Variants in MEI4 observed in about 807,000 individuals in gnomAD.
MEI4 encodes meiosis-specific protein MEI4.
Under a neutral mutation model 31.4 loss-of-function variants are expected in MEI4, and 27 were observed. The ratio of observed to expected loss-of-function variants is 0.86; its 90% CI spans 0.63 to 1.19. The LOEUF (loss-of-function observed/expected upper bound fraction) is 1.19. Among genes scored for constraint, MEI4 ranks in the 50% most tolerant of loss-of-function variants. MEI4 has a pLI of 0.00. For synonymous variants in MEI4, 122 were observed against 145.4 expected, an observed-to-expected ratio of 0.84 and a Z score of 1.16; for missense variants, 329 against 398.9, an observed-to-expected ratio of 0.82 and a Z score of 1.49.
In MEI4 at chr6:77,795,566, C is replaced by G. The variant is rs566452489; in HGVS notation, c.769-33365C>G. ...CAGCTAGAAGAAGTGAAAAAATATTCAAATAGTATTACAAATGAACAAGGA... is the reference window on the plus strand; with the variant it reads ...CAGCTAGAAGAAGTGAAAAAATATTGAAATAGTATTACAAATGAACAAGGA... On this transcript the variant is annotated intron_variant, in intron 3 of 4. Coordinates refer to ENST00000684080, the MANE Select transcript of MEI4 (RefSeq NM_001322247.2). Among the ~76,000 whole-genome samples, 10 of 145,650 alleles carry G rather than the reference C, an allele frequency of 6.9e-5. No homozygotes were observed. The South Asian group carries it at 1.7e-3, about 25-fold the overall frequency.
chr6:77,841,333 ATTTT>A lies in MEI4; in HGVS notation c.900+12291_900+12294del, dbSNP rs1239589008. 1.1e-4 allele frequency among the ~76,000 whole-genome samples: 3 copies of A among 27,736 alleles called. No individual in the cohort carries two copies. The South Asian group carries it at 3.5e-3, about 33-fold the overall frequency. 18.2% of individuals were successfully genotyped at this position (27,736 alleles called of 152,430 possible). ...TGTGTGCATATATATATATATATAT[ATTTT>A]TTTTTTTTTTTTTTTTTTTGAGATG... On this transcript the variant is annotated intron_variant, in intron 4 of 4. Transcript: ENST00000684080.
chr6:77,732,307 G>A (rs1767025941), intron 2 of MEI4, among the ~76,000 whole-genome samples: 1 of 152,104 alleles, frequency 6.6e-6, no homozygotes. Flanking sequence ...ATTTCCTTGA[G>A]CAGTGGTTTG....
chr6:77,745,904 G>A (rs1330911947), intron 2 of MEI4, among the ~76,000 whole-genome samples: 1 of 152,114 alleles, frequency 6.6e-6, no homozygotes, highest in East Asian at 1.9e-4. Flanking sequence ...GAGAAATAAA[G>A]ATGTTCTTTG....
chr6:77,766,130 C>T (rs1362544864), intron 3 of MEI4, among the ~76,000 whole-genome samples: 7 of 152,174 alleles, frequency 4.6e-5, no homozygotes, highest in Non-Finnish European at 1.0e-4. Flanking sequence ...CTACAGCTTC[C>T]AGTTGACCAA....
At chr6:77,912,897 G>A (rs1238108904) in intron 4 of MEI4, among the ~76,000 whole-genome samples, 1 of 152,110 alleles carries the variant, frequency 6.6e-6, no homozygotes, top group East Asian at 1.9e-4. Flanking sequence ...GTAGCAAGAG[G>A]AAAAGCTTTC....
intron 4 of MEI4, among the ~76,000 whole-genome samples, chr6:77,863,236 A>T (rs546059470): frequency 6.6e-6 from 1 of 152,210 alleles, no homozygotes; most frequent in Non-Finnish European, 1.5e-5. Flanking sequence ...TGGATAGAGA[A>T]TGACTTTGAT....
chr6:77,674,947 CT>C (rs1419632214), intron 1 of MEI4, among the ~76,000 whole-genome samples: 2 of 151,212 alleles, frequency 1.3e-5, no homozygotes, highest in Non-Finnish European at 2.9e-5. Context: ...ATTTTAATAC[CT>C]TTTTTCTTTT....
chr6:77,881,774 A>G (rs933130962), intron 4 of MEI4, among the ~76,000 whole-genome samples: 5 of 152,250 alleles, frequency 3.3e-5, no homozygotes, highest in Non-Finnish European at 7.3e-5. Flanking sequence ...AGCTAATTGA[A>G]CAGTATTATA....
intron 4 of MEI4, among the ~76,000 whole-genome samples, chr6:77,869,413 A>G (rs1771140935): frequency 6.6e-6 from 1 of 152,136 alleles, no homozygotes; most frequent in Non-Finnish European, 1.5e-5. Flanking sequence ...ATCCTTTAGG[A>G]TGTGCCCTAA....
At chr6:77,778,114 G>A (rs1027658631) in intron 3 of MEI4, among the ~76,000 whole-genome samples, 11 of 140,496 alleles carry the variant, frequency 7.8e-5, no homozygotes, top group Non-Finnish European at 1.5e-4. Flanking sequence ...GTGTATATGT[G>A]AGAGAGCAGG....
intron 3 of MEI4, among the ~76,000 whole-genome samples, chr6:77,797,691 G>T (rs1769118054): frequency 6.6e-6 from 1 of 152,122 alleles, no homozygotes; most frequent in Admixed American, 6.5e-5. Context: ...TCCAGCACAG[G>T]AGAAAGTTGA....
At chr6:77,685,024 T>C (rs1438132486) in intron 1 of MEI4, among the ~76,000 whole-genome samples, 2 of 152,154 alleles carry the variant, frequency 1.3e-5, no homozygotes, top group Non-Finnish European at 2.9e-5. Context: ...TTATTGCCTG[T>C]CTTTTGGATA....
intron 1 of MEI4, among the ~76,000 whole-genome samples, chr6:77,683,149 GCTT>G (rs1768988516): frequency 1.3e-5 from 2 of 152,128 alleles, no homozygotes; most frequent in Admixed American, 6.6e-5. Context: ...TACAGGCTAA[GCTT>G]CTTTTCACAA....
At chr6:77,666,951 A>G (rs1353959320) in intron 1 of MEI4, among the ~76,000 whole-genome samples, 1 of 151,992 alleles carries the variant, frequency 6.6e-6, no homozygotes, top group African/African-American at 2.4e-5. Flanking sequence ...GGAAGAAACA[A>G]GATGTCCACA....
At chr6:77,739,041 C>G (rs1205609767) in intron 2 of MEI4, among the ~76,000 whole-genome samples, 1 of 152,170 alleles carries the variant, frequency 6.6e-6, no homozygotes, top group East Asian at 1.9e-4. Flanking sequence ...GTTGCCTGTT[C>G]ACTATGATGA....
At chr6:77,811,347 T>C (rs1164014529) in intron 3 of MEI4, among the ~76,000 whole-genome samples, 4 of 152,136 alleles carry the variant, frequency 2.6e-5, no homozygotes, top group Non-Finnish European at 5.9e-5. Flanking sequence ...CTAGAGAGAA[T>C]GCTTAAAATA....
intron 2 of MEI4, 142 bp from the exon 3 acceptor site, chr6:77,760,988 A>C (rs1768029203): frequency 1.8e-6 from 1 of 550,610 alleles, no homozygotes; most frequent in South Asian, 1.0e-4. Context: ...TTCTTTACTC[A>C]GTTTTTACAC....
chr6:77,680,025 G>A (rs571912912), intron 1 of MEI4, among the ~76,000 whole-genome samples: 1 of 150,308 alleles, frequency 6.7e-6, no homozygotes, highest in South Asian at 2.1e-4. Context: ...AGGCGTGAGC[G>A]ACCGTGTCCA....
chr6:77,744,346 A>C (rs1021686309), intron 2 of MEI4, among the ~76,000 whole-genome samples: 1 of 152,204 alleles, frequency 6.6e-6, no homozygotes, highest in East Asian at 1.9e-4. Context: ...AGCCGATGCA[A>C]TCAACTGGAA....
Sources: allele counts gnomAD v4.1 joint callset (sites outside exome capture counted in the v4.1 genomes callset), GRCh38; gene constraint gnomAD v4.1.1; transcripts MANE v1.5; gene names NCBI Gene and HGNC (gene_info 2026-07-23, HGNC 2026-07-21).